RGS6: variants seen among roughly 807,000 people sequenced by gnomAD.
The protein encoded by RGS6 is regulator of G protein signaling 6, also known as regulator of G-protein signaling 6.
A neutral mutation model predicts 78.5 loss-of-function variants in RGS6; 30 were observed. The observed-to-expected ratio is 0.38, with a 90% CI of 0.29 to 0.52. The LOEUF (loss-of-function observed/expected upper bound fraction) is 0.52. RGS6 is among the 20% of genes least tolerant of loss of function. The pLI, the probability that RGS6 is intolerant of heterozygous loss-of-function variation, is 0.85. For missense variants in RGS6, 495 were observed against 609.7 expected (o/e 0.81, Z 1.98); for synonymous variants, 206 against 206.0 (o/e 1.00, Z 0.00).
intron 2 of RGS6, among the ~76,000 whole-genome samples, chr14:72,297,632 A>T (rs1216798586): frequency 2.4e-5 from 3 of 127,432 alleles, no homozygotes; most frequent in African/African-American, 8.9e-5. Context: ...TGTCCAGGTG[A>T]TCTCATTGTT....
intron 2 of RGS6, among the ~76,000 whole-genome samples, chr14:71,973,703 G>T (rs545027463): frequency 6.6e-6 from 1 of 152,306 alleles, no homozygotes; most frequent in Non-Finnish European, 1.5e-5. Context: ...ACTTCAGAAA[G>T]TGTTCAGGGT....
intron 3 of RGS6, among the ~76,000 whole-genome samples, chr14:72,452,004 T>C (rs578224385): frequency 1.5e-4 from 23 of 152,202 alleles, no homozygotes; most frequent in Admixed American, 1.2e-3. Context: ...CCCTCCTCGG[T>C]CTCCAAAAGT....
In RGS6 at chr14:72,370,571, A is replaced by T. The variant is rs565099109; in HGVS notation, c.184+18377A>T. Among the ~76,000 whole-genome samples, 3 of 152,316 alleles carry T rather than the reference A, an allele frequency of 2.0e-5. No individual in the cohort carries two copies. In the South Asian group the frequency reaches 6.2e-4, roughly 32 times the overall value. On this transcript the variant is annotated intron_variant, in intron 3 of 17. Coordinates refer to ENST00000553525, the MANE Select transcript of RGS6 (RefSeq NM_001204424.2). ...CAAAGGTGATGAGGTACATCAGGGT[A>T]AACATGTGTTAGGCCTAAAAATGGA... is the stretch of plus-strand genomic sequence containing the variant.
chr14:72,561,353 G>A (rs906004520), intron 17 of RGS6, among the ~76,000 whole-genome samples: 5 of 152,076 alleles, frequency 3.3e-5, no homozygotes, highest in Admixed American at 1.3e-4. Context: ...CGGTGGTGTC[G>A]CTGACCCACT....
chr14:72,393,931 G>A (rs566332878), intron 3 of RGS6, among the ~76,000 whole-genome samples: 9 of 152,262 alleles, frequency 5.9e-5, no homozygotes, highest in East Asian at 3.9e-4. Flanking sequence ...GTCTTCTGGC[G>A]TATGCTGACA....
intron 1 of RGS6, among the ~76,000 whole-genome samples, chr14:71,962,564 T>G (rs1768962223): frequency 1.3e-5 from 2 of 152,120 alleles, no homozygotes; most frequent in African/African-American, 4.8e-5. Flanking sequence ...AAACTGTGTG[T>G]TGTTCATTTA....
chr14:72,278,839 C>G (rs575285051), intron 2 of RGS6, among the ~76,000 whole-genome samples: 1 of 152,216 alleles, frequency 6.6e-6, no homozygotes, highest in East Asian at 1.9e-4. Context: ...TTCTCTCATA[C>G]TTCCAGAGGC....
intron 3 of RGS6, among the ~76,000 whole-genome samples, chr14:72,370,974 T>A (rs1466949484): frequency 6.6e-6 from 1 of 152,242 alleles, no homozygotes; most frequent in Non-Finnish European, 1.5e-5. Flanking sequence ...TTTCTTGTTG[T>A]CCTTAAAAGC....
At chr14:72,510,681 C>T (rs965760689) in intron 14 of RGS6, among the ~76,000 whole-genome samples, 2 of 152,148 alleles carry the variant, frequency 1.3e-5, no homozygotes, top group Admixed American at 6.5e-5. Context: ...AGAAGCTAAA[C>T]GGAAGAGGGA....
At chr14:72,031,567 C>T (rs2090901142) in intron 2 of RGS6, among the ~76,000 whole-genome samples, 1 of 152,276 alleles carries the variant, frequency 6.6e-6, no homozygotes, top group Admixed American at 6.5e-5. Context: ...GGAAACTGCT[C>T]ATTGGAATTG....
At chr14:72,000,460 T>C (rs2153220200) in intron 2 of RGS6, among the ~76,000 whole-genome samples, 1 of 152,274 alleles carries the variant, frequency 6.6e-6, no homozygotes. Flanking sequence ...GAGTAGGCGA[T>C]TGGAAATGTT....
intron 6 of RGS6, 45 bp from the exon 7 acceptor site, chr14:72,465,713 G>A: frequency 1.4e-6 from 2 of 1,406,520 alleles, no homozygotes; most frequent in Non-Finnish European, 2.0e-6. Context: ...TAATTCCATT[G>A]TGCTGCTGGT....
chr14:72,624,226 A>G, the RGS6 span, among the ~76,000 whole-genome samples: 9 of 152,140 alleles, frequency 5.9e-5, no homozygotes, highest in South Asian at 2.1e-4. Context: ...TTAACATATT[A>G]TATTACTATA....
At chr14:71,995,543 C>T (rs568661814) in intron 2 of RGS6, among the ~76,000 whole-genome samples, 1 of 152,280 alleles carries the variant, frequency 6.6e-6, no homozygotes, top group South Asian at 2.1e-4. Flanking sequence ...GGGAAGTTTC[C>T]TTGATCTCCC....
chr14:72,488,266 G>T (rs142612003), intron 12 of RGS6, among the ~76,000 whole-genome samples: 1 of 152,208 alleles, frequency 6.6e-6, no homozygotes, highest in Non-Finnish European at 1.5e-5. Flanking sequence ...CCTTCTCCAC[G>T]TGTTCCTCTA....
intron 2 of RGS6, among the ~76,000 whole-genome samples, chr14:72,116,963 CAAAAAAAAAAA>C (rs56397216): frequency 1.4e-4 from 11 of 78,364 alleles, no homozygotes; most frequent in African/African-American, 5.4e-4. Context: ...GACTCCATCT[CAAAAAAAAAAA>C]AAAAAAAAAA....
At chr14:72,272,062 T>G (rs1337291909) in intron 2 of RGS6, among the ~76,000 whole-genome samples, 6 of 152,172 alleles carry the variant, frequency 3.9e-5, no homozygotes, top group Non-Finnish European at 1.5e-5. Flanking sequence ...TTAATTCCCT[T>G]TTGCCATGTA....
At chr14:72,410,877 G>A (rs1186729660) in intron 3 of RGS6, among the ~76,000 whole-genome samples, 4 of 152,134 alleles carry the variant, frequency 2.6e-5, no homozygotes, top group Non-Finnish European at 5.9e-5. Context: ...TCAGATAGTT[G>A]TAGATATGCA....
intron 1 of RGS6, among the ~76,000 whole-genome samples, chr14:71,949,050 C>G (rs566693189): frequency 2.0e-5 from 3 of 152,008 alleles, no homozygotes; most frequent in African/African-American, 7.2e-5. Flanking sequence ...TGTGATATTC[C>G]ACAAACTATT....
Sources: gnomAD v4.1 joint callset for allele counts (sites outside exome capture counted in the v4.1 genomes callset) on GRCh38, gnomAD v4.1.1 for gene constraint, MANE v1.5 for transcripts, NCBI Gene and HGNC (gene_info 2026-07-23, HGNC 2026-07-21) for gene names.